NOS1: variants seen among roughly 807,000 people sequenced by gnomAD.
NOS1 encodes the protein nitric oxide synthase 1, also known as NOS type I.
NOS1 carries 51 observed loss-of-function variants against 164.5 expected under a neutral mutation model. The ratio of observed to expected loss-of-function variants is 0.31; its 90% CI spans 0.25 to 0.39. NOS1 has a LOEUF of 0.39. Ranked by LOEUF, NOS1 falls within the 10% of genes least tolerant of loss-of-function variation. NOS1 has a pLI of 1.00. For missense variants in NOS1, 1,362 were observed against 1,885.6 expected (o/e 0.72, Z 5.14); for synonymous variants, 719 against 745.8 (o/e 0.96, Z 0.59).
intron 20 of NOS1, among the ~76,000 whole-genome samples, chr12:117,235,393 G>A (rs1226733931): frequency 1.3e-5 from 2 of 152,026 alleles, no homozygotes; most frequent in African/African-American, 4.8e-5. Context: ...TACTAATAGG[G>A]GTTCTCTCAG....
chr12:117,359,133 G>C (rs557953504), intron 1 of NOS1, among the ~76,000 whole-genome samples: 4 of 152,368 alleles, frequency 2.6e-5, no homozygotes, highest in African/African-American at 7.2e-5. Flanking sequence ...CCTTGGAGCT[G>C]TCAGTGGCAG....
rs9658356 is a variant in NOS1, at chr12:117,286,213, T to G, written c.1181A>C (p.Asp394Ala). ...CTTGAGCTGGTAAGTGCTAGTGGTG[T>G]CGATCTCTTTGTTCACCTCTTCCAG... ...ERLEEVNKEI[D>A]TTSTYQLKDT... The change falls in exon 6 of 29, where the codon GAC becomes GCC. Residue 394 changes from aspartate to alanine, a missense_variant. Coordinates refer to ENST00000317775, the MANE Select transcript of NOS1 (RefSeq NM_000620.5). 8,078 of 1,614,220 alleles carry G rather than the reference T, an allele frequency of 5.0e-3. 42 individuals carry two copies. Among genetic ancestry groups the G allele is most frequent in the Middle Eastern group, 0.014 (84 of 6,062 alleles).
At position 117,243,336 on chromosome 12, in the gene NOS1, G is replaced by A. The variant is rs771520384; in HGVS notation, c.2923C>T (p.Arg975Cys). The A allele has an allele frequency of 3.7e-6, 6 of 1,614,024 alleles. No homozygotes were observed. In the African/African-American group the frequency reaches 4.0e-5, roughly 11 times the overall value. Residue 975 changes from arginine (R) to cysteine (C), a missense_variant, in exon 19 of 29, where the codon CGC becomes TGC. Arg to Cys is a radical substitution (Grantham distance 180). Around this residue, in one of 4 missense-constraint regions of NOS1, gnomAD observed 737 missense variants for 1,030.3 expected, o/e 0.72. Coordinates refer to ENST00000317775, the MANE Select transcript of NOS1 (RefSeq NM_000620.5). This position sits in a 1 kb window ranked among gnomAD's most constrained non-coding sequence, Gnocchi z 4.3. ...NDRSWKRNKF[R>C]LTFVAEAPEL... is the part of the protein sequence containing the mutation. The stretch of plus-strand genomic sequence containing the variant: ...GGAGCTTCGGCCACAAAGGTGAGGC[G>A]GAACTTGTTTCTCTTCCAGCTGCGA...
chr12:117,297,141 T>C (rs1873469863), intron 3 of NOS1, among the ~76,000 whole-genome samples: 1 of 152,220 alleles, frequency 6.6e-6, no homozygotes, highest in Non-Finnish European at 1.5e-5. Context: ...AGTGATCTTA[T>C]CTCAGCTGGA....
chr12:117,208,599 C>G lies in NOS1; in HGVS notation c.*6710G>C. Reference sequence around the variant, plus strand: ...CAATGAAAACAGTGGCGGCAGAGCACAGGACATGGGAGGGGACTGAGACCC... The same window carrying G: ...CAATGAAAACAGTGGCGGCAGAGCAGAGGACATGGGAGGGGACTGAGACCC... On this transcript the variant is annotated 3_prime_UTR_variant, in exon 29 of 29. Coordinates refer to ENST00000317775, the MANE Select transcript of NOS1 (RefSeq NM_000620.5). 1 of 1,191,848 alleles carries G rather than the reference C, an allele frequency of 8.4e-7. No individual in the cohort carries two copies. The highest frequency in any genetic ancestry group is 1.1e-6 in the Non-Finnish European group (1 of 940,754). 73.8% of individuals were successfully genotyped at this position (1,191,848 alleles called of 1,614,324 possible). A position where few individuals can be genotyped will look rare whatever the true frequency, so the allele number is the denominator to read the frequency against.
chr12:117,217,857 C>T (rs1956635838), intron 28 of NOS1, among the ~76,000 whole-genome samples, 189 bp downstream of exon 28: 1 of 152,204 alleles, frequency 6.6e-6, no homozygotes, highest in Non-Finnish European at 1.5e-5. Context: ...ACTGCTGCAT[C>T]CTAACTCCTG....
chr12:117,288,841 G>A (rs1872869733), intron 4 of NOS1, among the ~76,000 whole-genome samples: 1 of 152,106 alleles, frequency 6.6e-6, no homozygotes, highest in Non-Finnish European at 1.5e-5. Context: ...TGCTGGAAGA[G>A]GAGAGACCAC....
chr12:117,274,996 T>C (rs947119077), intron 9 of NOS1, among the ~76,000 whole-genome samples: 2 of 152,032 alleles, frequency 1.3e-5, no homozygotes, highest in Non-Finnish European at 2.9e-5. Context: ...AATAACACAA[T>C]TGTATATTTC....
intron 2 of NOS1, among the ~76,000 whole-genome samples, chr12:117,317,335 A>G: frequency 6.6e-6 from 1 of 151,410 alleles, no homozygotes; most frequent in East Asian, 1.9e-4. Context: ...ATCTCAGTTT[A>G]GATCAGAGTT....
rs1195550327 is a variant in NOS1 at position 117,278,064 on chromosome 12, C to T, written c.1559G>A (p.Gly520Asp). The T allele has an allele frequency of 6.2e-7, 1 of 1,613,914 alleles. No individual in the cohort carries two copies. Among genetic ancestry groups the T allele is most frequent in the South Asian group, 1.1e-5 (1 of 91,054 alleles). Residue 520 changes from glycine to aspartate, a missense_variant, in exon 9 of 29, where the codon GGC (glycine) becomes GAC (aspartate). Transcript: ENST00000317775. ...CIQQGWKPPR[G>D]RFDVLPLLLQ... ...CAGGAGCGGCAGGACATCGAAGCGG[C>T]CTCTAGGCGGTTTCCAGCCCTGCTG...
chr12:117,294,161 C>T (rs906119144), intron 3 of NOS1, among the ~76,000 whole-genome samples: 1 of 152,246 alleles, frequency 6.6e-6, no homozygotes, highest in Admixed American at 6.5e-5. Context: ...GAAACCCTCT[C>T]GGCCACCCAT....
intron 3 of NOS1, among the ~76,000 whole-genome samples, chr12:117,302,461 G>T (rs1201510035): frequency 2.6e-5 from 4 of 151,962 alleles, no homozygotes. Context: ...GGGTGAGGTG[G>T]CGGGCGCCTG....
chr12:117,285,310 G>T lies in NOS1; in HGVS notation c.1313C>A (p.Thr438Asn), dbSNP rs200231850. Residue 438 changes from threonine (T) to asparagine (N), a missense_variant, in exon 7 of 29, where the codon ACC becomes AAC. This residue lies in a region of NOS1 where 129 missense variants were observed against 186.0 expected (regional missense o/e 0.69). Transcript: ENST00000317775. ...KLQVFDARDC[T>N]TAHGMFNYIC... ...GTAGTTGAACATCCCGTGGGCCGTG[G>T]TGCAGTCACGGGCATCGAATACCTG... The T allele has an allele frequency of 8.9e-4, 1,429 of 1,610,312 alleles. 2 individuals carry two copies. The highest frequency in any genetic ancestry group is 1.4e-3 in the Admixed American group (84 of 59,860).
chr12:117,282,173 G>A (rs183813314), intron 7 of NOS1, among the ~76,000 whole-genome samples: 159 of 151,700 alleles, frequency 1.0e-3, no homozygotes, highest in African/African-American at 3.6e-3. Flanking sequence ...CAATATCTTA[G>A]CACCAAACTG....
At chr12:117,232,360 T>G (rs1444499486) in intron 21 of NOS1, among the ~76,000 whole-genome samples, 1 of 151,826 alleles carries the variant, frequency 6.6e-6, no homozygotes, top group Non-Finnish European at 1.5e-5. Flanking sequence ...GAAAAATACA[T>G]GAAGAGAGGA....
chr12:117,302,064 T>C (rs1486920142), intron 3 of NOS1: 2 of 456,580 alleles, frequency 4.4e-6, no homozygotes, highest in Non-Finnish European at 8.8e-6. Flanking sequence ...GATTCTCAGT[T>C]TCCTCATCTG....
chr12:117,314,526 G>A (rs1339609424), intron 2 of NOS1, among the ~76,000 whole-genome samples: 1 of 152,230 alleles, frequency 6.6e-6, no homozygotes, highest in Non-Finnish European at 1.5e-5. Flanking sequence ...GAGGGGTTAT[G>A]TAAGTTTCCC....
At chr12:117,358,530 A>G (rs1332347166) in intron 1 of NOS1, among the ~76,000 whole-genome samples, 1 of 152,166 alleles carries the variant, frequency 6.6e-6, no homozygotes, top group Non-Finnish European at 1.5e-5. Flanking sequence ...TTCCTTCCTT[A>G]CAATCACCAG....
In NOS1 at chr12:117,299,414, G is replaced by A. The variant is rs559676470; in HGVS notation, c.853-8988C>T. Reference sequence around the variant, plus strand: ...AGCACTTTGGGAGGCCGAGGTGGGCGGATCACGAGGTCAGGAGATCAAGAC... The same window carrying A: ...AGCACTTTGGGAGGCCGAGGTGGGCAGATCACGAGGTCAGGAGATCAAGAC... On this transcript the variant is annotated intron_variant, in intron 3 of 28. Coordinates refer to ENST00000317775, the MANE Select transcript of NOS1 (RefSeq NM_000620.5). 6.2e-3 allele frequency among the ~76,000 whole-genome samples: 940 copies of A among 152,062 alleles called. 10 individuals are homozygous for A. Among genetic ancestry groups the A allele is most frequent in the Non-Finnish European group, 7.6e-3 (519 of 67,990 alleles).
Sources: allele counts gnomAD v4.1 joint callset (sites outside exome capture counted in the v4.1 genomes callset), GRCh38; gene constraint gnomAD v4.1.1; regional missense constraint gnomAD v4.1.1; non-coding constraint Gnocchi (gnomAD v3.1); transcripts MANE v1.5; gene names NCBI Gene and HGNC (gene_info 2026-07-23, HGNC 2026-07-21).